The following CDH18 variants were observed in gnomAD, a reference collection of about 807,000 sequenced individuals.
CDH18 encodes cadherin-18.
Under a neutral mutation model 67.9 loss-of-function variants are expected in CDH18, and 31 were observed. The ratio of observed to expected loss-of-function variants is 0.46; its 90% confidence interval spans 0.34 to 0.62. The LOEUF (loss-of-function observed/expected upper bound fraction) is 0.62. CDH18 is among the 20% of genes least tolerant of loss of function. CDH18 has a pLI of 0.01. For missense variants in CDH18, 890 were observed against 975.5 expected (o/e 0.91, Z 1.17); for synonymous variants, 362 against 347.2 (o/e 1.04, Z -0.48).
intron 5 of CDH18, among the ~76,000 whole-genome samples, chr5:19,673,597 T>C (rs572288545): frequency 1.3e-5 from 2 of 152,206 alleles, no homozygotes; most frequent in South Asian, 4.1e-4. Flanking sequence ...ACTATCTCTA[T>C]AAAATGTTTT....
At chr5:19,977,795 T>G (rs866895734) in intron 2 of CDH18, among the ~76,000 whole-genome samples, 5 of 152,176 alleles carry the variant, frequency 3.3e-5, no homozygotes, top group African/African-American at 1.2e-4. Flanking sequence ...GAAGGATAAA[T>G]TTTTCCCTAT....
chr5:20,377,756 TG>T (rs1174491250), intron 1 of CDH18, among the ~76,000 whole-genome samples: 3 of 152,148 alleles, frequency 2.0e-5, no homozygotes, highest in Non-Finnish European at 4.4e-5. Flanking sequence ...GTAATTTATA[TG>T]GGGGAAATTA....
intron 1 of CDH18, among the ~76,000 whole-genome samples, chr5:20,540,989 C>T (rs1757019442): frequency 6.6e-6 from 1 of 152,162 alleles, no homozygotes; most frequent in Admixed American, 6.6e-5. Context: ...AAGTTCTATT[C>T]TCACACTCTT....
At chr5:19,608,628 C>T (rs2150095049) in intron 6 of CDH18, among the ~76,000 whole-genome samples, 1 of 151,876 alleles carries the variant, frequency 6.6e-6, no homozygotes, top group African/African-American at 2.4e-5. Context: ...ATACTGCCAT[C>T]TATTGAATTT....
At chr5:20,519,752 G>T (rs1755613844) in intron 1 of CDH18, among the ~76,000 whole-genome samples, 1 of 151,534 alleles carries the variant, frequency 6.6e-6, no homozygotes, top group Non-Finnish European at 1.5e-5. Context: ...AGGATCAGCA[G>T]GCATTATTAT....
chr5:20,139,352 C>T (rs1750034268), intron 2 of CDH18, among the ~76,000 whole-genome samples: 1 of 152,122 alleles, frequency 6.6e-6, no homozygotes, highest in East Asian at 1.9e-4. Context: ...AGACCTAAAA[C>T]CATAAAAACT....
intron 1 of CDH18, among the ~76,000 whole-genome samples, chr5:20,354,097 TAG>T (rs1260915117): frequency 6.6e-6 from 1 of 152,336 alleles, no homozygotes; most frequent in African/African-American, 2.4e-5. Context: ...ACTTTGGATA[TAG>T]AGTTTTCAGA....
chr5:20,026,591 A>G (rs1198858900), intron 2 of CDH18, among the ~76,000 whole-genome samples: 1 of 152,222 alleles, frequency 6.6e-6, no homozygotes, highest in Non-Finnish European at 1.5e-5. Flanking sequence ...TTTGGTCAAA[A>G]TCAAGCATAT....
At chr5:20,015,613 G>A (rs1278832603) in intron 2 of CDH18, among the ~76,000 whole-genome samples, 13 of 152,110 alleles carry the variant, frequency 8.5e-5, no homozygotes, top group Admixed American at 8.5e-4. Flanking sequence ...AATTTTGTCT[G>A]AGAATATTCA....
chr5:19,748,139 CT>C (rs1429147645), intron 3 of CDH18, among the ~76,000 whole-genome samples: 1 of 31,332 alleles, frequency 3.2e-5, no homozygotes, highest in East Asian at 1.5e-3. Context: ...AAAAAGAGTA[CT>C]TTTTTAGGGA....
chr5:20,334,748 TCTCATACACACA>T (rs1234931117), intron 1 of CDH18, among the ~76,000 whole-genome samples: 1 of 117,488 alleles, frequency 8.5e-6, no homozygotes, highest in African/African-American at 3.9e-5. Flanking sequence ...TCTCTCTCTC[TCTCATACACACA>T]CACACACACA....
chr5:19,806,651 A>C (rs1778061859), intron 3 of CDH18, among the ~76,000 whole-genome samples: 1 of 152,204 alleles, frequency 6.6e-6, no homozygotes, highest in Non-Finnish European at 1.5e-5. Context: ...TTCATAATGC[A>C]TTATATAGCC....
At chr5:19,577,275 T>G (rs1253781747) in intron 7 of CDH18, among the ~76,000 whole-genome samples, 1 of 152,170 alleles carries the variant, frequency 6.6e-6, no homozygotes, top group Non-Finnish European at 1.5e-5. Context: ...TGATAAATAT[T>G]TGAAGTAACA....
intron 2 of CDH18, among the ~76,000 whole-genome samples, chr5:19,878,298 A>G (rs568283524): frequency 4.6e-5 from 7 of 152,250 alleles, no homozygotes; most frequent in African/African-American, 1.7e-4. Flanking sequence ...AACACATGAC[A>G]TGGCAGACCT....
chr5:20,526,948 G>A (rs768657063), intron 1 of CDH18, among the ~76,000 whole-genome samples: 6 of 152,040 alleles, frequency 3.9e-5, no homozygotes, highest in Non-Finnish European at 7.4e-5. Context: ...ACAGAAGTAG[G>A]CTTCAGAAAG....
chr5:19,673,463 C>A (rs2150357939), intron 5 of CDH18, among the ~76,000 whole-genome samples: 1 of 151,910 alleles, frequency 6.6e-6, no homozygotes, highest in South Asian at 2.1e-4. Flanking sequence ...TAGGCCTAAA[C>A]TAAGGTAAAC....
At chr5:20,386,993 T>C (rs1270767304) in intron 1 of CDH18, among the ~76,000 whole-genome samples, 2 of 152,134 alleles carry the variant, frequency 1.3e-5, no homozygotes, top group African/African-American at 2.4e-5. Context: ...ATGAGTTAGA[T>C]ACTTAATTGG....
intron 2 of CDH18, among the ~76,000 whole-genome samples, chr5:19,900,348 A>C (rs1342501227): frequency 6.6e-6 from 1 of 152,182 alleles, no homozygotes; most frequent in African/African-American, 2.4e-5. Context: ...TACTGTTAAC[A>C]ATAGCGTATA....
At chr5:20,452,689 C>G (rs1750544189) in intron 1 of CDH18, among the ~76,000 whole-genome samples, 1 of 151,940 alleles carries the variant, frequency 6.6e-6, no homozygotes, top group Admixed American at 6.6e-5. Context: ...ATGAAATAAT[C>G]TGCAAAACAA....
Sources: allele counts gnomAD v4.1 joint callset (sites outside exome capture counted in the v4.1 genomes callset), GRCh38; gene constraint gnomAD v4.1.1; transcripts MANE v1.5; gene names NCBI Gene and HGNC (gene_info 2026-07-23, HGNC 2026-07-21).